The following PCDHA5 variants were observed in gnomAD, a reference collection of about 807,000 sequenced individuals.
PCDHA5 encodes protocadherin alpha 5.
Under a neutral mutation model 61.6 loss-of-function variants are expected in PCDHA5, and 43 were observed. That is an observed-to-expected ratio of 0.70 (90% CI 0.55 to 0.90). PCDHA5 has a LOEUF of 0.90. Among genes scored for constraint, PCDHA5 ranks in the 40% least tolerant of loss-of-function variants. The probability of loss-of-function intolerance (pLI) is 0.00; values close to 1 mark genes in which losing one functional copy is unlikely to be tolerated. For synonymous variants in PCDHA5, 627 were observed against 543.9 expected (o/e 1.15, Z -2.13); for missense variants, 1,298 against 1,222.7 (o/e 1.06, Z -0.92).
chr5:140,829,268 G>A (rs1194699670), intron 1 of PCDHA5: 17 of 1,614,092 alleles, frequency 1.1e-5, no homozygotes, highest in Non-Finnish European at 1.2e-5. Flanking sequence ...GACGCCTCAC[G>A]TCCCTTTCAA....
Position 140,822,005 on chromosome 5 carries a change from A to G in PCDHA5, c.230A>G (p.Asn77Ser), listed in dbSNP as rs2150112895. 8.1e-6 allele frequency: 13 copies of G among 1,614,110 alleles called. No individual in the cohort carries two copies. The highest frequency in any genetic ancestry group is 1.1e-5 in the Non-Finnish European group (13 of 1,180,002). Residue 77 changes from asparagine to serine, a missense_variant, in exon 1 of 4, where the codon AAT becomes AGT. Coordinates refer to ENST00000529859, the MANE Select transcript of PCDHA5 (RefSeq NM_018908.3). ...GGCCGCGGGGACCTTCTGGAGGTAA[A>G]TCTGCAGAATGGCATTTTGTTTGTG... ...SKGRGDLLEV[N>S]LQNGILFVNS...
At chr5:140,836,229 G>A in intron 1 of PCDHA5, 1 of 1,613,818 alleles carries the variant, frequency 6.2e-7, no homozygotes. Context: ...ACCGGTGGCG[G>A]CCGGTGCGAG....
rs1424332975 is a variant in PCDHA5 at position 140,821,766 on chromosome 5, C to G, written c.-10C>G. ...TGCAATAGAAAGCTCATAATTGGAA[C>G]GAGATTGAGATGGTATATTCCCGGA... On this transcript the variant is annotated 5_prime_UTR_variant, in exon 1 of 4. Transcript: ENST00000529859. 6 of 1,592,294 alleles carry G rather than the reference C, an allele frequency of 3.8e-6. No homozygotes were observed. Among genetic ancestry groups the G allele is most frequent in the Admixed American group, 3.5e-5 (2 of 56,634 alleles).
rs1386589487 is a variant in PCDHA5 at position 140,876,579 on chromosome 5, T to C, written c.2352+52452T>C. ...AGGATGCTCAGGTGGGTACCGTCAT[T>C]GCCCTGATTAGCGTGTCGGATCGTG... On this transcript the variant is annotated intron_variant, in intron 1 of 3. Coordinates refer to ENST00000529859, the MANE Select transcript of PCDHA5 (RefSeq NM_018908.3). 5 of 1,614,104 alleles carry C rather than the reference T, an allele frequency of 3.1e-6. No homozygotes were observed. In the African/African-American group the frequency reaches 5.3e-5, roughly 17 times the overall value.
chr5:140,877,558 A>G (rs782179941), intron 1 of PCDHA5: 7 of 1,613,628 alleles, frequency 4.3e-6, no homozygotes, highest in Non-Finnish European at 5.9e-6. Flanking sequence ...TCTGGTGGAT[A>G]TTAACGTGTA....
At chr5:140,968,341 C>T in intron 1 of PCDHA5, 1 of 1,614,132 alleles carries the variant, frequency 6.2e-7, no homozygotes, top group Non-Finnish European at 8.5e-7. Context: ...TCTCCATTAA[C>T]AGTGCCAGTG....
Position 140,882,813 on chromosome 5 carries a change from C to A in PCDHA5, c.2352+58686C>A, listed in dbSNP as rs782169035. 2 of 1,614,058 alleles carry A rather than the reference C, an allele frequency of 1.2e-6. No individual in the cohort carries two copies. The highest frequency in any genetic ancestry group is 3.3e-5 in the Admixed American group (2 of 60,002). On this transcript the variant is annotated intron_variant, in intron 1 of 3. Transcript: ENST00000529859. ...CCCAACGATTATTTCACTTTGGACG[C>A]ACAAAACAGTCTTGAGCAAATGTCT...
chr5:140,875,432 T>C (rs1268206649), intron 1 of PCDHA5: 3 of 1,559,782 alleles, frequency 1.9e-6, no homozygotes, highest in Non-Finnish European at 2.6e-6. Flanking sequence ...AGCGATCCCT[T>C]AAAACTGATT....
At chr5:140,837,048 T>A (rs1774890519) in intron 1 of PCDHA5, 1 of 199,144 alleles carries the variant, frequency 5.0e-6, no homozygotes. Flanking sequence ...ATCAAATATT[T>A]ACATTTCCAT....
chr5:140,923,206 A>G (rs2081227659), intron 1 of PCDHA5, among the ~76,000 whole-genome samples: 1 of 152,172 alleles, frequency 6.6e-6, no homozygotes, highest in South Asian at 2.1e-4. Flanking sequence ...TTGGGAGGCT[A>G]AGGTGAAAGG....
At chr5:140,998,940 A>G (rs2097841050) in intron 3 of PCDHA5, among the ~76,000 whole-genome samples, 1 of 152,222 alleles carries the variant, frequency 6.6e-6, no homozygotes, top group African/African-American at 2.4e-5. Context: ...AGATGAAGAA[A>G]CTGTAAGTCA....
chr5:140,851,194 T>G (rs1484208641), intron 1 of PCDHA5: 1 of 1,213,702 alleles, frequency 8.2e-7, no homozygotes, highest in Non-Finnish European at 1.1e-6. Flanking sequence ...AATTTAGTTG[T>G]TAGTCATTCA....
chr5:140,884,821 G>A, intron 1 of PCDHA5: 2 of 1,011,756 alleles, frequency 2.0e-6, no homozygotes, highest in South Asian at 2.2e-5. Flanking sequence ...TGGACATTAT[G>A]TGTTGGATTA....
At chr5:140,855,534 G>C (rs2043511154) in intron 1 of PCDHA5, among the ~76,000 whole-genome samples, 1 of 149,850 alleles carries the variant, frequency 6.7e-6, no homozygotes, top group Non-Finnish European at 1.5e-5. Context: ...AGAGAAGTAA[G>C]TTAAGTGTCA....
chr5:140,866,259 T>C (rs2049241676), intron 1 of PCDHA5: 1 of 152,166 alleles, frequency 6.6e-6, no homozygotes, highest in South Asian at 2.1e-4. Context: ...CCTTCTTTCT[T>C]TACTGTGAAT....
At chr5:140,909,942 T>G (rs577556804) in intron 1 of PCDHA5, among the ~76,000 whole-genome samples, 1 of 152,304 alleles carries the variant, frequency 6.6e-6, no homozygotes, top group Non-Finnish European at 1.5e-5. Flanking sequence ...GTTACTCTGG[T>G]AAAAAGCCGT....
At chr5:140,871,682 A>C (rs1207167654) in intron 1 of PCDHA5, 1 of 1,103,566 alleles carries the variant, frequency 9.1e-7, no homozygotes, top group Non-Finnish European at 1.3e-6. Context: ...TCATATGAAT[A>C]ATCTGGCTTC....
At position 140,824,044 on chromosome 5, in the gene PCDHA5, G is replaced by T; in HGVS notation, c.2269G>T (p.Val757Leu). 6.2e-7 allele frequency: 1 copy of T among 1,614,184 alleles called. No individual in the cohort carries two copies. The highest frequency in any genetic ancestry group is 1.6e-4 in the Middle Eastern group (1 of 6,062). The change falls in exon 1 of 4, where the codon GTG becomes TTG. Residue 757 changes from valine to leucine, a missense_variant. Val to Leu is a conservative substitution (Grantham distance 32). Transcript: ENST00000529859. Reference protein sequence around the residue: ...WSYSQQRRQRVCSGEAPPKTD... With the variant: ...WSYSQQRRQRLCSGEAPPKTD... Reference sequence around the variant, plus strand: ...GTACTCGCAGCAGAGGAGACAGAGGGTGTGCTCTGGGGAAGCTCCACCCAA... The same window carrying T: ...GTACTCGCAGCAGAGGAGACAGAGGTTGTGCTCTGGGGAAGCTCCACCCAA...
At chr5:140,936,630 T>C (rs1309907947) in intron 1 of PCDHA5, among the ~76,000 whole-genome samples, 1 of 152,234 alleles carries the variant, frequency 6.6e-6, no homozygotes, top group Non-Finnish European at 1.5e-5. Context: ...GCTACCTTTG[T>C]CATAAGCAAC....
Sources: allele counts gnomAD v4.1 joint callset (sites outside exome capture counted in the v4.1 genomes callset), GRCh38; gene constraint gnomAD v4.1.1; transcripts MANE v1.5; gene names NCBI Gene and HGNC (gene_info 2026-07-23, HGNC 2026-07-21).